SUGCT: variants seen among roughly 807,000 people sequenced by gnomAD.
The protein encoded by SUGCT is succinyl-CoA:glutarate-CoA transferase, also known as succinyl-CoA:glutarate CoA-transferase.
A neutral mutation model predicts 55.0 loss-of-function variants in SUGCT; 41 were observed. The ratio of observed to expected loss-of-function variants is 0.74; its 90% CI spans 0.58 to 0.97. The LOEUF (loss-of-function observed/expected upper bound fraction) is 0.97, where lower values mean the gene tolerates loss of function less well. SUGCT is among the 50% of genes least tolerant of loss of function. The probability of loss-of-function intolerance (pLI) is 0.00; values close to 1 mark genes in which losing one functional copy is unlikely to be tolerated. For synonymous variants in SUGCT, 187 were observed against 200.4 expected, an observed-to-expected ratio of 0.93 and a Z score of 0.56; for missense variants, 568 against 547.8, an observed-to-expected ratio of 1.04 and a Z score of -0.37.
At chr7:40,589,603 G>A (rs1350199872) in intron 12 of SUGCT, among the ~76,000 whole-genome samples, 1 of 152,108 alleles carries the variant, frequency 6.6e-6, no homozygotes, top group Admixed American at 6.5e-5. Flanking sequence ...TGTTGCATTG[G>A]TGATTAAATT....
chr7:40,546,559 T>C (rs920679124), intron 12 of SUGCT, among the ~76,000 whole-genome samples: 1 of 152,254 alleles, frequency 6.6e-6, no homozygotes, highest in Non-Finnish European at 1.5e-5. Context: ...TAAGCCAATG[T>C]ATTCACAGTT....
At chr7:40,558,943 T>C (rs528773382) in intron 12 of SUGCT, among the ~76,000 whole-genome samples, 7 of 152,352 alleles carry the variant, frequency 4.6e-5, no homozygotes, top group African/African-American at 1.7e-4. Context: ...CTTGGATAGC[T>C]GTGAATTTTT....
chr7:40,340,493 A>C (rs1206872583), intron 9 of SUGCT, among the ~76,000 whole-genome samples: 1 of 152,230 alleles, frequency 6.6e-6, no homozygotes, highest in Non-Finnish European at 1.5e-5. Flanking sequence ...AACTTGTAAG[A>C]AATCTGGAAA....
At chr7:40,367,741 C>T (rs866579534) in intron 9 of SUGCT, among the ~76,000 whole-genome samples, 6 of 152,168 alleles carry the variant, frequency 3.9e-5, no homozygotes, top group African/African-American at 9.7e-5. Flanking sequence ...GCTGCCCGAC[C>T]GTGGTCTGTT....
At chr7:40,518,246 C>A (rs1467283667) in intron 12 of SUGCT, among the ~76,000 whole-genome samples, 2 of 152,104 alleles carry the variant, frequency 1.3e-5, no homozygotes, top group East Asian at 3.9e-4. Context: ...ATTGCAGTAG[C>A]CTTGAAACCA....
At chr7:40,983,326 G>C in the SUGCT span, among the ~76,000 whole-genome samples, 1 of 152,074 alleles carries the variant, frequency 6.6e-6, no homozygotes, top group Non-Finnish European at 1.5e-5. Context: ...AGACAGTCCT[G>C]CCAGCTCCCT....
Position 40,724,781 on chromosome 7 carries a change from C to T in SUGCT, c.1090-24653C>T, listed in dbSNP as rs532024074. On this transcript the variant is annotated intron_variant, in intron 12 of 13. Transcript: ENST00000335693. ...TGTATATTTATGTCATGCATGAAAGCTAAATTTCTGTGGGAACCAACTCTA... is the reference window on the plus strand; with the variant it reads ...TGTATATTTATGTCATGCATGAAAGTTAAATTTCTGTGGGAACCAACTCTA... 2.6e-5 allele frequency among the ~76,000 whole-genome samples: 4 copies of T among 151,546 alleles called. No individual in the cohort carries two copies. In the South Asian group the frequency reaches 6.3e-4, roughly 24 times the overall value.
chr7:40,910,073 C>T, the SUGCT span, among the ~76,000 whole-genome samples: 1 of 151,956 alleles, frequency 6.6e-6, no homozygotes, highest in South Asian at 2.1e-4. Context: ...TTGCCTTGAC[C>T]TAGATGTAGG....
intron 13 of SUGCT, chr7:40,785,271 C>T (rs1177635659): frequency 1.3e-5 from 2 of 152,104 alleles, no homozygotes; most frequent in Non-Finnish European, 2.9e-5. Context: ...TTTACTAATT[C>T]TTTAGGGATA....
intron 9 of SUGCT, among the ~76,000 whole-genome samples, chr7:40,427,770 A>G (rs924336854): frequency 5.9e-5 from 9 of 152,152 alleles, no homozygotes; most frequent in African/African-American, 1.9e-4. Flanking sequence ...AGGATATGAC[A>G]TCTGGGAAGG....
intron 10 of SUGCT, among the ~76,000 whole-genome samples, chr7:40,454,425 G>C (rs1256257781): frequency 6.6e-6 from 1 of 152,124 alleles, no homozygotes; most frequent in Non-Finnish European, 1.5e-5. Flanking sequence ...GTTGGTGGTG[G>C]TGTGTGAATA....
chr7:40,303,939 TA>T (rs532370212), intron 8 of SUGCT, among the ~76,000 whole-genome samples: 4 of 144,722 alleles, frequency 2.8e-5, no homozygotes, highest in African/African-American at 1.0e-4. Context: ...CTACTAAAAA[TA>T]AAAAAATTAG....
At chr7:40,811,061 A>G (rs1791384659) in intron 13 of SUGCT, among the ~76,000 whole-genome samples, 1 of 152,242 alleles carries the variant, frequency 6.6e-6, no homozygotes, top group Non-Finnish European at 1.5e-5. Context: ...GAGGAAGATC[A>G]GATGGCTATA....
At chr7:40,651,477 G>A (rs1275972622) in intron 12 of SUGCT, among the ~76,000 whole-genome samples, 1 of 151,082 alleles carries the variant, frequency 6.6e-6, no homozygotes, top group African/African-American at 2.4e-5. Context: ...TGTAGATTCT[G>A]GATATTAGAC....
chr7:40,742,240 G>A (rs1787500061), intron 12 of SUGCT, among the ~76,000 whole-genome samples: 1 of 152,026 alleles, frequency 6.6e-6, no homozygotes, highest in Non-Finnish European at 1.5e-5. Flanking sequence ...GCTATGTCAG[G>A]TGCATTCACA....
At chr7:40,576,416 T>C (rs1796763143) in intron 12 of SUGCT, among the ~76,000 whole-genome samples, 1 of 152,230 alleles carries the variant, frequency 6.6e-6, no homozygotes, top group South Asian at 2.1e-4. Context: ...TTCCATATGG[T>C]TTGCTTAGAA....
intron 12 of SUGCT, among the ~76,000 whole-genome samples, chr7:40,666,175 C>A (rs975236868): frequency 1.7e-4 from 26 of 151,904 alleles, no homozygotes; most frequent in South Asian, 4.2e-4. Context: ...CATGGTGAAA[C>A]CCTGTCTCTA....
At chr7:40,556,860 A>G (rs549126992) in intron 12 of SUGCT, among the ~76,000 whole-genome samples, 42 of 152,344 alleles carry the variant, frequency 2.8e-4, no homozygotes, top group African/African-American at 9.1e-4. Context: ...ATGACATTAA[A>G]ATACACATAA....
chr7:40,135,588 T>C (rs143909741), intron 1 of SUGCT, among the ~76,000 whole-genome samples: 14 of 152,262 alleles, frequency 9.2e-5, no homozygotes, highest in South Asian at 2.1e-4. Flanking sequence ...TACAGTGTTA[T>C]AGAACTTTCT....
Sources: allele counts gnomAD v4.1 joint callset (sites outside exome capture counted in the v4.1 genomes callset), GRCh38; gene constraint gnomAD v4.1.1; transcripts MANE v1.5; gene names NCBI Gene and HGNC (gene_info 2026-07-23, HGNC 2026-07-21).